Variants in SLC35F4 observed in about 807,000 individuals in gnomAD.
SLC35F4 encodes the protein solute carrier family 35 member F4.
In SLC35F4, 24 loss-of-function variants were observed where a neutral mutation model predicts 44.2. The ratio of observed to expected loss-of-function variants is 0.54; its 90% CI spans 0.39 to 0.76. SLC35F4 has a LOEUF of 0.76. Among genes scored for constraint, SLC35F4 ranks in the 30% least tolerant of loss-of-function variants. The pLI, the probability that SLC35F4 is intolerant of heterozygous loss-of-function variation, is 0.00. For missense variants in SLC35F4, 562 were observed against 586.1 expected (o/e 0.96, Z 0.42); for synonymous variants, 238 against 223.6 (o/e 1.06, Z -0.57).
chr14:57,630,428 T>C, intron 1 of SLC35F4: 1 of 712,358 alleles, frequency 1.4e-6, no homozygotes, highest in South Asian at 1.4e-5. Flanking sequence ...AAAATCTAAA[T>C]CCAATTCAAG....
intron 1 of SLC35F4, among the ~76,000 whole-genome samples, chr14:57,789,314 A>T (rs1459032948): frequency 6.6e-6 from 1 of 152,184 alleles, no homozygotes; most frequent in Non-Finnish European, 1.5e-5. Flanking sequence ...TAAAGGGGAG[A>T]TCACCACTGA....
At chr14:57,689,464 C>T (rs1194963328) in intron 1 of SLC35F4, among the ~76,000 whole-genome samples, 3 of 152,130 alleles carry the variant, frequency 2.0e-5, no homozygotes, top group African/African-American at 7.2e-5. Flanking sequence ...TAGCAACAAA[C>T]AACAGAGCAG....
intron 1 of SLC35F4, among the ~76,000 whole-genome samples, chr14:57,842,582 T>C (rs1457521311): frequency 6.6e-6 from 1 of 152,126 alleles, no homozygotes; most frequent in Non-Finnish European, 1.5e-5. Flanking sequence ...CATCCACTGC[T>C]TAACACAGAT....
intron 1 of SLC35F4, among the ~76,000 whole-genome samples, chr14:57,645,071 T>C (rs1042408183): frequency 2.6e-4 from 40 of 152,370 alleles, no homozygotes; most frequent in African/African-American, 9.4e-4. Context: ...TCCAGCTTTG[T>C]TCTTTTGGCT....
intron 1 of SLC35F4, among the ~76,000 whole-genome samples, chr14:57,841,714 G>A (rs953513437): frequency 6.6e-6 from 1 of 152,020 alleles, no homozygotes; most frequent in African/African-American, 2.4e-5. Flanking sequence ...ATTTGGCAGT[G>A]GAGATTATAA....
chr14:57,893,576 C>T (rs112780309), intron 1 of SLC35F4, among the ~76,000 whole-genome samples: 4,145 of 152,198 alleles, frequency 0.027, 197 homozygotes, highest in African/African-American at 0.094. Context: ...GCTTAATCTG[C>T]TCTGTAAAAT....
downstream of SLC35F4, among the ~76,000 whole-genome samples, chr14:57,972,935 C>T (rs925338742): frequency 1.3e-5 from 2 of 152,232 alleles, no homozygotes; most frequent in Non-Finnish European, 2.9e-5. Flanking sequence ...CTGTGAGTTC[C>T]TTTACTGGGT....
chr14:57,765,145 A>G lies in SLC35F4; in HGVS notation c.103+100578T>C, dbSNP rs140947012. Reference sequence around the variant, plus strand: ...GGAGCACACAACTTACTTTCCACACATGGTTTTATTCAAGATAGGAAAATA... The same window carrying G: ...GGAGCACACAACTTACTTTCCACACGTGGTTTTATTCAAGATAGGAAAATA... On this transcript the variant is annotated intron_variant, in intron 1 of 7. Transcript: ENST00000556826. Among the ~76,000 whole-genome samples, 1,003 of 152,314 alleles carry G rather than the reference A, an allele frequency of 6.6e-3. 13 individuals are homozygous for G. Among genetic ancestry groups the G allele is most frequent in the African/African-American group, 0.023 (946 of 41,572 alleles).
chr14:57,579,001 T>C (rs1415244730), intron 4 of SLC35F4: 1 of 152,192 alleles, frequency 6.6e-6, no homozygotes, highest in East Asian at 1.9e-4. Context: ...TCTTCCAGGG[T>C]TCTGGTGAGT....
intron 1 of SLC35F4, among the ~76,000 whole-genome samples, chr14:57,634,988 C>T (rs921370034): frequency 3.9e-5 from 6 of 152,030 alleles, no homozygotes; most frequent in East Asian, 1.9e-4. Context: ...TGGCCGGTTG[C>T]GGCTCATGCC....
intron 1 of SLC35F4, among the ~76,000 whole-genome samples, chr14:57,687,704 C>T (rs1354137047): frequency 1.3e-5 from 2 of 152,172 alleles, no homozygotes; most frequent in Non-Finnish European, 2.9e-5. Context: ...GCAGGTGCTG[C>T]TTTTCAATCC....
intron 3 of SLC35F4, among the ~76,000 whole-genome samples, chr14:57,588,963 A>C (rs1331246601): frequency 6.6e-6 from 1 of 152,138 alleles, no homozygotes; most frequent in African/African-American, 2.4e-5. Flanking sequence ...GGATAACACC[A>C]CCTTAAAATG....
At chr14:57,859,390 C>G (rs1263928601) in intron 1 of SLC35F4, among the ~76,000 whole-genome samples, 2 of 152,150 alleles carry the variant, frequency 1.3e-5, no homozygotes, top group Non-Finnish European at 2.9e-5. Context: ...TAACACTAAT[C>G]ATCTCTGGTA....
chr14:57,722,987 A>G (rs2140442379), intron 1 of SLC35F4, among the ~76,000 whole-genome samples: 1 of 152,284 alleles, frequency 6.6e-6, no homozygotes, highest in South Asian at 2.1e-4. Flanking sequence ...TCCTTTCCCA[A>G]GGAGACCTCC....
intron 1 of SLC35F4, among the ~76,000 whole-genome samples, chr14:57,746,581 G>T (rs1353404139): frequency 1.3e-5 from 2 of 152,056 alleles, no homozygotes; most frequent in Non-Finnish European, 2.9e-5. Context: ...TCTATTTCAT[G>T]AGGGATATCA....
chr14:57,679,379 A>G (rs1238058586), intron 1 of SLC35F4, among the ~76,000 whole-genome samples: 6 of 152,164 alleles, frequency 3.9e-5, no homozygotes, highest in Admixed American at 3.9e-4. Context: ...AAAGCAGTTT[A>G]TAGAGGGAAA....
At chr14:57,887,947 C>A (rs141257663) in intron 1 of SLC35F4, among the ~76,000 whole-genome samples, 4 of 152,292 alleles carry the variant, frequency 2.6e-5, no homozygotes, top group African/African-American at 9.6e-5. Flanking sequence ...GAAACTACAG[C>A]AAGCATCTTC....
intron 1 of SLC35F4, among the ~76,000 whole-genome samples, chr14:57,704,188 C>T (rs2075611986): frequency 6.6e-6 from 1 of 152,184 alleles, no homozygotes; most frequent in South Asian, 2.1e-4. Flanking sequence ...TCTAACTTCT[C>T]AGGACTCCAA....
rs112927090 is a variant in SLC35F4, at chr14:57,832,602, G to A, written c.103+33121C>T. Among the ~76,000 whole-genome samples, 1,015 of 152,230 alleles carry A rather than the reference G, an allele frequency of 6.7e-3. 12 individuals are homozygous for A. The highest frequency in any genetic ancestry group is 0.023 in the African/African-American group (952 of 41,532). Reference sequence around the variant, plus strand: ...TATATGTATCCCATAACATTGTGTTGTAAACCTCAAATATATACAATACAA... The same window carrying A: ...TATATGTATCCCATAACATTGTGTTATAAACCTCAAATATATACAATACAA... On this transcript the variant is annotated intron_variant, in intron 1 of 7. Coordinates refer to ENST00000556826, the MANE Select transcript of SLC35F4 (RefSeq NM_001306087.2).
Sources: allele counts gnomAD v4.1 joint callset (sites outside exome capture counted in the v4.1 genomes callset), GRCh38; gene constraint gnomAD v4.1.1; transcripts MANE v1.5; gene names NCBI Gene and HGNC (gene_info 2026-07-23, HGNC 2026-07-21).